MYO1D: variants seen among roughly 807,000 people sequenced by gnomAD.
MYO1D encodes myosin ID.
MYO1D carries 83 observed loss-of-function variants against 122.0 expected under a neutral mutation model. The observed-to-expected ratio is 0.68, with a 90% CI of 0.57 to 0.82. The LOEUF is 0.82. MYO1D is among the 40% of genes least tolerant of loss of function. The pLI, the probability that MYO1D is intolerant of heterozygous loss-of-function variation, is 0.00. For synonymous variants in MYO1D, 464 were observed against 446.9 expected (o/e 1.04, Z -0.48); for missense variants, 1,157 against 1,269.5 (o/e 0.91, Z 1.35).
intron 21 of MYO1D, among the ~76,000 whole-genome samples, chr17:32,540,316 A>T: frequency 1.3e-5 from 1 of 77,774 alleles, no homozygotes. Flanking sequence ...GGTGACAGAG[A>T]GAGACTATCT....
At position 32,638,679 on chromosome 17, in the gene MYO1D, C is replaced by T. The variant is rs369510265; in HGVS notation, c.2709+43G>A. On this transcript the variant is annotated intron_variant, in intron 20 of 21. Coordinates refer to ENST00000318217, the MANE Select transcript of MYO1D (RefSeq NM_015194.3). ...TGACCCATTAGTGGTCCATGAGCACCAGGTTAAGAATCTTTATCCAGAGAG... is the reference window on the plus strand; with the variant it reads ...TGACCCATTAGTGGTCCATGAGCACTAGGTTAAGAATCTTTATCCAGAGAG... 132 of 1,388,258 alleles carry T rather than the reference C, an allele frequency of 9.5e-5. No homozygotes were observed. The Middle Eastern group carries it at 1.1e-3, about 11-fold the overall frequency. 86.0% of individuals were successfully genotyped at this position (1,388,258 alleles called of 1,614,324 possible). A position where few individuals can be genotyped will look rare whatever the true frequency, so the allele number is the denominator to read the frequency against.
intron 21 of MYO1D, among the ~76,000 whole-genome samples, chr17:32,604,826 G>A (rs1371583407): frequency 6.6e-6 from 1 of 152,128 alleles, no homozygotes; most frequent in Admixed American, 6.5e-5. Flanking sequence ...CATTTGGATC[G>A]ACAGTGGAAT....
chr17:32,657,993 A>T (rs772886736), intron 17 of MYO1D, among the ~76,000 whole-genome samples: 3 of 152,198 alleles, frequency 2.0e-5, no homozygotes, highest in Non-Finnish European at 4.4e-5. Flanking sequence ...AAAAAGGGGA[A>T]AAAAATGCTC....
chr17:32,717,578 T>A (rs577033749), intron 15 of MYO1D, among the ~76,000 whole-genome samples: 2 of 152,360 alleles, frequency 1.3e-5, no homozygotes. Flanking sequence ...AAACTAGGTA[T>A]GCCAGAAAAT....
At chr17:32,502,737 G>A (rs1024861739) in intron 21 of MYO1D, among the ~76,000 whole-genome samples, 2 of 152,172 alleles carry the variant, frequency 1.3e-5, no homozygotes, top group African/African-American at 4.8e-5. Context: ...CGGAGTAGAC[G>A]CTTGGGGTCA....
At chr17:32,698,068 A>G (rs1424675404) in intron 16 of MYO1D, among the ~76,000 whole-genome samples, 1 of 152,184 alleles carries the variant, frequency 6.6e-6, no homozygotes. Flanking sequence ...AAGGTCCTTA[A>G]CCACTCAGTG....
chr17:32,731,887 C>A (rs1218258581), intron 14 of MYO1D, among the ~76,000 whole-genome samples: 1 of 152,204 alleles, frequency 6.6e-6, no homozygotes, highest in African/African-American at 2.4e-5. Flanking sequence ...ACCTGGGTAC[C>A]TCTGCACTCC....
At chr17:32,721,320 G>T in intron 14 of MYO1D, 131 bp from the exon 15 acceptor site, 2 of 806,310 alleles carry the variant, frequency 2.5e-6, no homozygotes, top group Non-Finnish European at 3.9e-6. Context: ...ATACACTTGT[G>T]AATAAAGTAG....
intron 14 of MYO1D, among the ~76,000 whole-genome samples, chr17:32,726,333 T>C (rs2089572161): frequency 6.6e-6 from 1 of 151,876 alleles, no homozygotes; most frequent in African/African-American, 2.4e-5. Flanking sequence ...GGCACAGGAA[T>C]TGCTTGAACC....
chr17:32,834,527 T>C (rs1383246120), intron 1 of MYO1D, among the ~76,000 whole-genome samples: 1 of 152,206 alleles, frequency 6.6e-6, no homozygotes, highest in Non-Finnish European at 1.5e-5. Flanking sequence ...CTCTTGAGTC[T>C]ACCTGAGGAA....
intron 5 of MYO1D, among the ~76,000 whole-genome samples, chr17:32,771,554 C>CCT (rs2090112999): frequency 6.6e-6 from 1 of 152,134 alleles, no homozygotes; most frequent in South Asian, 2.1e-4. Flanking sequence ...TGCTTAGCAG[C>CCT]CTCACTATAG....
chr17:32,722,106 G>C (rs992241171), intron 14 of MYO1D, among the ~76,000 whole-genome samples: 2 of 152,196 alleles, frequency 1.3e-5, no homozygotes, highest in African/African-American at 4.8e-5. Context: ...GGAGAGATTT[G>C]AAGGATGTAA....
chr17:32,648,263 A>G (rs1397224506), intron 19 of MYO1D, among the ~76,000 whole-genome samples: 1 of 152,076 alleles, frequency 6.6e-6, no homozygotes, highest in Admixed American at 6.6e-5. Flanking sequence ...CGTTGAGTTG[A>G]CCTCTTTCTT....
At chr17:32,678,192 T>C (rs1375515268) in intron 16 of MYO1D, among the ~76,000 whole-genome samples, 1 of 152,146 alleles carries the variant, frequency 6.6e-6, no homozygotes, top group Non-Finnish European at 1.5e-5. Context: ...TATCTATAGG[T>C]CCCAGCTTAA....
At chr17:32,772,972 A>T in intron 4 of MYO1D, 130 bp from the exon 5 acceptor site, 1 of 717,608 alleles carries the variant, frequency 1.4e-6, no homozygotes, top group East Asian at 2.5e-5. Context: ...GGCCTGAAGC[A>T]ACTGAAGAAT....
chr17:32,767,713 C>T lies in MYO1D; in HGVS notation c.754G>A (p.Asp252Asn). Reference protein sequence around the residue: ...NDAAEFRVVADAMKVIGFKPE... With the variant: ...NDAAEFRVVANAMKVIGFKPE... ...TTGAAGCCAATGACTTTCATGGCAT[C>T]AGCAACAACTCTGAATTCGGCAGCA... is the stretch of plus-strand genomic sequence containing the variant. The change falls in exon 7 of 22, where the codon GAT becomes AAT. Residue 252 changes from aspartate to asparagine, a missense_variant. Physicochemically the swap from Asp to Asn is conservative, Grantham distance 23. Coordinates refer to ENST00000318217, the MANE Select transcript of MYO1D (RefSeq NM_015194.3). 6.2e-7 allele frequency: 1 copy of T among 1,613,848 alleles called. No homozygotes were observed. Among genetic ancestry groups the T allele is most frequent in the Non-Finnish European group, 8.5e-7 (1 of 1,179,922 alleles).
intron 16 of MYO1D, among the ~76,000 whole-genome samples, chr17:32,679,016 T>G (rs1434996975): frequency 1.3e-5 from 2 of 150,096 alleles, no homozygotes; most frequent in African/African-American, 4.9e-5. Flanking sequence ...CCAGTGATGA[T>G]GAGCATTTTT....
chr17:32,863,209 C>T (rs1241320482), intron 1 of MYO1D, among the ~76,000 whole-genome samples: 1 of 152,212 alleles, frequency 6.6e-6, no homozygotes, highest in Non-Finnish European at 1.5e-5. Context: ...TTTGTTCAAC[C>T]ACACAAACAA....
chr17:32,800,809 G>A (rs2090454350), intron 1 of MYO1D, among the ~76,000 whole-genome samples: 1 of 152,058 alleles, frequency 6.6e-6, no homozygotes, highest in African/African-American at 2.4e-5. Context: ...CTGGGCTTGA[G>A]CAATCCTCCC....
Sources: gnomAD v4.1 joint callset for allele counts (sites outside exome capture counted in the v4.1 genomes callset) on GRCh38, gnomAD v4.1.1 for gene constraint, MANE v1.5 for transcripts, NCBI Gene and HGNC (gene_info 2026-07-23, HGNC 2026-07-21) for gene names.